Variants in METAP1 observed in about 807,000 individuals in gnomAD.
METAP1 encodes methionyl aminopeptidase 1.
A neutral mutation model predicts 53.8 loss-of-function variants in METAP1; 28 were observed. The observed-to-expected ratio is 0.52, with a 90% confidence interval of 0.39 to 0.71. The LOEUF is 0.71. Ranked by LOEUF, METAP1 falls within the 30% of genes least tolerant of loss-of-function variation. The pLI is 0.00. For missense variants in METAP1, 389 were observed against 479.8 expected, an observed-to-expected ratio of 0.81 and a Z score of 1.77; for synonymous variants, 181 against 165.7, an observed-to-expected ratio of 1.09 and a Z score of -0.71.
At chr4:99,024,249 C>G (rs547662927) in intron 1 of METAP1, among the ~76,000 whole-genome samples, 1 of 152,184 alleles carries the variant, frequency 6.6e-6, no homozygotes, top group Admixed American at 6.5e-5. Context: ...CCCTCTCACG[C>G]GGACCCCCTT....
At chr4:99,055,183 G>A (rs1351665798) in intron 9 of METAP1, among the ~76,000 whole-genome samples, 3 of 152,064 alleles carry the variant, frequency 2.0e-5, no homozygotes, top group South Asian at 4.1e-4. Flanking sequence ...TTGAGGTCAG[G>A]AGTTCTAGAC....
chr4:99,012,269 GT>G (rs34482996), intron 1 of METAP1, among the ~76,000 whole-genome samples: 73,734 of 106,446 alleles, frequency 0.69, 24,397 homozygotes, highest in East Asian at 0.95. Context: ...GTTAATGTGA[GT>G]TTTTTTTTTT....
chr4:98,998,002 T>C (rs776899961), intron 1 of METAP1, among the ~76,000 whole-genome samples: 7 of 152,236 alleles, frequency 4.6e-5, no homozygotes, highest in Non-Finnish European at 1.0e-4. Context: ...ACAGAAGTTA[T>C]TTTTCCCGCA....
At chr4:98,995,977 C>A (rs551651918) in intron 1 of METAP1, 110 bp downstream of exon 1, 6 of 848,534 alleles carry the variant, frequency 7.1e-6, no homozygotes, top group South Asian at 1.5e-5. Context: ...TCCTCCTCTT[C>A]CCCCCGGCCG....
At chr4:99,057,392 C>T (rs1046531574) in intron 9 of METAP1, among the ~76,000 whole-genome samples, 8 of 152,298 alleles carry the variant, frequency 5.3e-5, no homozygotes, top group African/African-American at 1.7e-4. Context: ...TAGTGGAACT[C>T]TTGGTTCTGT....
intron 1 of METAP1, among the ~76,000 whole-genome samples, chr4:99,017,215 T>A (rs1386399100): frequency 1.3e-5 from 2 of 152,324 alleles, no homozygotes; most frequent in East Asian, 3.9e-4. Context: ...ATGAGCAAGC[T>A]TTTGGCCTTG....
intron 2 of METAP1, 114 bp downstream of exon 2, chr4:99,029,032 C>T (rs1051738949): frequency 2.0e-5 from 13 of 649,492 alleles, no homozygotes; most frequent in Non-Finnish European, 2.8e-5. Context: ...AAAGTATAAT[C>T]CTGAATACTA....
chr4:99,013,565 G>A lies in METAP1; in HGVS notation c.115-15302G>A, dbSNP rs530234714. 4.7e-4 allele frequency among the ~76,000 whole-genome samples: 71 copies of A among 152,308 alleles called. 1 individual carries two copies. Among genetic ancestry groups the A allele is most frequent in the Middle Eastern group, 3.4e-3 (1 of 294 alleles). ...CGAGAGCACACCAAACAAAGGAGAC[G>A]GGGACATTTATAACCTTTACATCCT... On this transcript the variant is annotated intron_variant, in intron 1 of 10. Transcript: ENST00000296411.
At chr4:99,011,476 A>G (rs1359343190) in intron 1 of METAP1, among the ~76,000 whole-genome samples, 3 of 152,118 alleles carry the variant, frequency 2.0e-5, no homozygotes, top group Non-Finnish European at 2.9e-5. Flanking sequence ...TTGTTTTTGA[A>G]TATTCTTGCA....
At chr4:99,053,585 A>G (rs915464858) in intron 9 of METAP1, among the ~76,000 whole-genome samples, 1 of 152,236 alleles carries the variant, frequency 6.6e-6, no homozygotes, top group East Asian at 1.9e-4. Flanking sequence ...AGAATGGTGA[A>G]TTCTTTCAAG....
intron 8 of METAP1, among the ~76,000 whole-genome samples, chr4:99,048,119 G>A (rs569298066): frequency 2.6e-5 from 4 of 152,118 alleles, no homozygotes; most frequent in African/African-American, 7.2e-5. Context: ...GGAAGGATGC[G>A]AAAAGAAGTG....
intron 1 of METAP1, among the ~76,000 whole-genome samples, chr4:99,012,287 T>TC (rs1560697209): frequency 8.1e-6 from 1 of 123,592 alleles, no homozygotes; most frequent in Non-Finnish European, 1.7e-5. Context: ...TTTTTTTTTT[T>TC]CAAGACAGTG....
intron 2 of METAP1, among the ~76,000 whole-genome samples, chr4:99,029,963 G>C (rs1324939909): frequency 6.6e-6 from 1 of 152,202 alleles, no homozygotes; most frequent in Non-Finnish European, 1.5e-5. Flanking sequence ...ATGTGACTCA[G>C]TGTAAGTTTA....
chr4:99,045,243 A>C lies in METAP1; in HGVS notation c.720A>C (p.Glu240Asp), dbSNP rs758261721. ...TGAATGAGACATTTTTTGTTGGAGAAGTGGATGATGGAGCACGGAAACTTG... is the reference window on the plus strand; with the variant it reads ...TGAATGAGACATTTTTTGTTGGAGACGTGGATGATGGAGCACGGAAACTTG... ...GDLNETFFVG[E>D]VDDGARKLVQ... The change falls in exon 8 of 11, where the codon GAA becomes GAC. Residue 240 changes from glutamate to aspartate, a missense_variant. Physicochemically the swap from Glu to Asp is conservative, Grantham distance 45 (BLOSUM62 2). Coordinates refer to ENST00000296411, the MANE Select transcript of METAP1 (RefSeq NM_015143.3). 5 of 1,613,778 alleles carry C rather than the reference A, an allele frequency of 3.1e-6. No individual in the cohort carries two copies. Among genetic ancestry groups the C allele is most frequent in the Non-Finnish European group, 4.2e-6 (5 of 1,179,786 alleles).
chr4:99,026,470 GTAGT>G (rs1724568128), intron 1 of METAP1: 1 of 985,250 alleles, frequency 1.0e-6, no homozygotes, highest in Admixed American at 6.2e-5. Context: ...TTCTGAGGAC[GTAGT>G]TATAACGGTG....
Position 99,019,874 on chromosome 4 carries a change from G to A in METAP1, c.115-8993G>A, listed in dbSNP as rs541707910. On this transcript the variant is annotated intron_variant, in intron 1 of 10. Coordinates refer to ENST00000296411, the MANE Select transcript of METAP1 (RefSeq NM_015143.3). ...TCTAAATCAGCATACCTTCTTATCT[G>A]CTCCCTTAGTCTAAAAAGTGCATAG... Among the ~76,000 whole-genome samples, 110 of 152,182 alleles carry A rather than the reference G, an allele frequency of 7.2e-4. 1 individual carries two copies. The highest frequency in any genetic ancestry group is 3.4e-3 in the Middle Eastern group (1 of 294).
intron 1 of METAP1, among the ~76,000 whole-genome samples, chr4:98,998,580 T>C (rs1273789152): frequency 6.6e-6 from 1 of 152,138 alleles, no homozygotes; most frequent in Non-Finnish European, 1.5e-5. Flanking sequence ...TTAGGGATTT[T>C]CCTTAACACT....
chr4:99,003,958 C>T (rs1723042051), intron 1 of METAP1, among the ~76,000 whole-genome samples: 2 of 152,164 alleles, frequency 1.3e-5, no homozygotes, highest in South Asian at 2.1e-4. Flanking sequence ...CGAGTTTGGG[C>T]CTCCGGAACT....
At chr4:99,020,892 A>G (rs1035231273) in intron 1 of METAP1, among the ~76,000 whole-genome samples, 2 of 152,190 alleles carry the variant, frequency 1.3e-5, no homozygotes, top group Non-Finnish European at 2.9e-5. Context: ...GTGTGTAAGC[A>G]TAAGTCCTAA....
Sources: gnomAD v4.1 joint callset for allele counts (sites outside exome capture counted in the v4.1 genomes callset) on GRCh38, gnomAD v4.1.1 for gene constraint, MANE v1.5 for transcripts, NCBI Gene and HGNC (gene_info 2026-07-23, HGNC 2026-07-21) for gene names.